The following NTNG1 variants were observed in gnomAD, a reference collection of about 807,000 sequenced individuals.
NTNG1 encodes the protein netrin-G1.
NTNG1 carries 16 observed loss-of-function variants against 54.0 expected under a neutral mutation model. The observed-to-expected ratio is 0.30, with a 90% CI of 0.20 to 0.45. NTNG1 has a LOEUF of 0.45. NTNG1 is among the 20% of genes least tolerant of loss of function. The probability of loss-of-function intolerance (pLI) is 1.00; values close to 1 mark genes in which losing one functional copy is unlikely to be tolerated. For synonymous variants in NTNG1, 255 were observed against 263.1 expected, an observed-to-expected ratio of 0.97 and a Z score of 0.30; for missense variants, 530 against 678.7, an observed-to-expected ratio of 0.78 and a Z score of 2.43.
At chr1:107,171,932 T>C (rs1656276545) in intron 2 of NTNG1, among the ~76,000 whole-genome samples, 1 of 152,110 alleles carries the variant, frequency 6.6e-6, no homozygotes, top group Admixed American at 6.6e-5. Flanking sequence ...TATTTTTTAT[T>C]TTTATTTTTT....
intron 3 of NTNG1, among the ~76,000 whole-genome samples, chr1:107,342,074 A>G (rs781301475): frequency 8.5e-5 from 13 of 152,130 alleles, no homozygotes; most frequent in South Asian, 6.2e-4. Flanking sequence ...ATTAGTCACT[A>G]TAAGTCACTT....
chr1:107,419,647 T>G (rs1376104113), intron 5 of NTNG1, among the ~76,000 whole-genome samples: 1 of 150,644 alleles, frequency 6.6e-6, no homozygotes, highest in African/African-American at 2.4e-5. Flanking sequence ...AGGCACATCT[T>G]TGGCTTCCAC....
intron 2 of NTNG1, among the ~76,000 whole-genome samples, chr1:107,311,204 T>C (rs1174254449): frequency 6.6e-6 from 1 of 152,176 alleles, no homozygotes; most frequent in Non-Finnish European, 1.5e-5. Flanking sequence ...CAGTGCTTTT[T>C]CCATCAGTTT....
rs1000126568 is a variant in NTNG1 at position 107,395,184 on chromosome 1, T to C, written c.918T>C (p.Cys306=). 5 of 1,613,324 alleles carry C rather than the reference T, an allele frequency of 3.1e-6. No homozygotes were observed. The highest frequency in any genetic ancestry group is 2.7e-5 in the African/African-American group (2 of 74,870). ...RCKCNLHATV[C]VYDNSKLTCE... is the part of the protein sequence containing the mutation. ...AGTGTAATCTCCATGCCACTGTATG[T>C]GTGTATGACAACAGCAAATTGACAT... The change falls in exon 4 of 8, where the codon TGT becomes TGC. Residue 306 remains cysteine (C), a synonymous_variant. Transcript: ENST00000370068.
chr1:107,404,697 T>C (rs1673291608), intron 4 of NTNG1, among the ~76,000 whole-genome samples: 1 of 151,908 alleles, frequency 6.6e-6, no homozygotes, highest in African/African-American at 2.4e-5. Context: ...GGCAAACACA[T>C]TAAAAAAATG....
intron 2 of NTNG1, among the ~76,000 whole-genome samples, chr1:107,189,293 G>A: frequency 6.9e-6 from 1 of 144,244 alleles, no homozygotes; most frequent in South Asian, 2.2e-4. Context: ...AGAGGTTGCA[G>A]TGAACCGAGA....
At chr1:107,280,076 T>C (rs905041045) in intron 2 of NTNG1, among the ~76,000 whole-genome samples, 1 of 149,590 alleles carries the variant, frequency 6.7e-6, no homozygotes, top group African/African-American at 2.4e-5. Flanking sequence ...TGTTTTACTC[T>C]AAACCTTCTT....
chr1:107,316,956 C>T (rs12062671), intron 2 of NTNG1, among the ~76,000 whole-genome samples: 3,174 of 152,232 alleles, frequency 0.021, 112 homozygotes, highest in African/African-American at 0.071. Flanking sequence ...ATTGGAAGTG[C>T]CACCGTAGGA....
At chr1:107,227,855 C>T (rs919257197) in intron 2 of NTNG1, among the ~76,000 whole-genome samples, 1 of 152,128 alleles carries the variant, frequency 6.6e-6, no homozygotes, top group African/African-American at 2.4e-5. Context: ...GAAATTTCAA[C>T]AGAACGTCAT....
intron 2 of NTNG1, among the ~76,000 whole-genome samples, chr1:107,210,730 G>T (rs1048818016): frequency 6.6e-6 from 1 of 152,086 alleles, no homozygotes. Flanking sequence ...TCTACACAAA[G>T]ATTCAAATTC....
chr1:107,403,307 C>A (rs1010181232), intron 4 of NTNG1, among the ~76,000 whole-genome samples: 7 of 151,566 alleles, frequency 4.6e-5, no homozygotes, highest in African/African-American at 1.2e-4. Flanking sequence ...AGCATAATAG[C>A]CCTTTAGCTT....
chr1:107,445,349 T>C (rs1303842824), intron 7 of NTNG1, among the ~76,000 whole-genome samples: 1 of 152,162 alleles, frequency 6.6e-6, no homozygotes, highest in Non-Finnish European at 1.5e-5. Context: ...TCTGAAATTC[T>C]GTGATCCTGA....
intron 7 of NTNG1, 37 bp from the exon 8 acceptor site, chr1:107,480,574 G>GGCC: frequency 3.1e-6 from 1 of 324,106 alleles, no homozygotes; most frequent in Non-Finnish European, 5.8e-6. Flanking sequence ...TCTCCTCCCC[G>GGCC]CGCCCACCCA....
chr1:107,402,884 A>C (rs1046586847), intron 4 of NTNG1, among the ~76,000 whole-genome samples: 1 of 152,066 alleles, frequency 6.6e-6, no homozygotes, highest in Admixed American at 6.6e-5. Flanking sequence ...ACCATCTATC[A>C]CAACAGTGGT....
chr1:107,290,726 G>A (rs576481176), intron 2 of NTNG1, among the ~76,000 whole-genome samples: 3 of 151,788 alleles, frequency 2.0e-5, no homozygotes, highest in Non-Finnish European at 2.9e-5. Context: ...GAGACCATCC[G>A]TGCTATAACA....
intron 2 of NTNG1, among the ~76,000 whole-genome samples, chr1:107,149,106 T>G (rs188142804): frequency 6.6e-6 from 1 of 152,284 alleles, no homozygotes; most frequent in East Asian, 1.9e-4. Flanking sequence ...CTATAGCATA[T>G]ATTATAAAAG....
Position 107,481,032 on chromosome 1 carries a change from T to C in NTNG1, c.*192T>C. Reference sequence around the variant, plus strand: ...GCACATCCGAGTCAAGACTGTTAATTTCTGACTCCAGAGGAGTTGGCAGCT... The same window carrying C: ...GCACATCCGAGTCAAGACTGTTAATCTCTGACTCCAGAGGAGTTGGCAGCT... On this transcript the variant is annotated 3_prime_UTR_variant, in exon 8 of 8. Transcript: ENST00000370068. 1 of 540,242 alleles carries C rather than the reference T, an allele frequency of 1.9e-6. No individual in the cohort carries two copies. The highest frequency in any genetic ancestry group is 3.3e-6 in the Non-Finnish European group (1 of 301,968). 33.5% of individuals were successfully genotyped at this position (540,242 alleles called of 1,614,324 possible).
At chr1:107,256,116 C>A (rs1173428874) in intron 2 of NTNG1, among the ~76,000 whole-genome samples, 3 of 152,150 alleles carry the variant, frequency 2.0e-5, no homozygotes, top group African/African-American at 7.2e-5. Flanking sequence ...CAAACATTCT[C>A]TGTAATTATT....
intron 2 of NTNG1, among the ~76,000 whole-genome samples, chr1:107,242,653 A>T (rs1220113827): frequency 6.6e-6 from 1 of 152,178 alleles, no homozygotes; most frequent in African/African-American, 2.4e-5. Flanking sequence ...TGCTGTACTT[A>T]TAAGGTAGTT....
Sources: gnomAD v4.1 joint callset for allele counts (sites outside exome capture counted in the v4.1 genomes callset) on GRCh38, gnomAD v4.1.1 for gene constraint, MANE v1.5 for transcripts, NCBI Gene and HGNC (gene_info 2026-07-23, HGNC 2026-07-21) for gene names.